C3orf20: variants seen among roughly 807,000 people sequenced by gnomAD.
The protein encoded by C3orf20 is uncharacterized protein C3orf20.
Under a neutral mutation model 88.3 loss-of-function variants are expected in C3orf20, and 76 were observed. That is an observed-to-expected ratio of 0.86 (90% CI 0.72 to 1.04). The LOEUF (loss-of-function observed/expected upper bound fraction) is 1.04, where lower values mean the gene tolerates loss of function less well. Ranked by LOEUF, C3orf20 falls within the 50% of genes least tolerant of loss-of-function variation. C3orf20 has a pLI of 0.00. For synonymous variants in C3orf20, 436 were observed against 437.4 expected (o/e 1.00, Z 0.04); for missense variants, 1,056 against 1,123.3 (o/e 0.94, Z 0.86).
intron 5 of C3orf20, among the ~76,000 whole-genome samples, chr3:14,699,888 G>C (rs796667661): frequency 6.6e-6 from 1 of 151,690 alleles, no homozygotes; most frequent in African/African-American, 2.4e-5. Flanking sequence ...GAACTCCAGA[G>C]CCCACAGTGG....
At chr3:14,769,317 G>A (rs1205041666) in intron 15 of C3orf20, among the ~76,000 whole-genome samples, 2 of 151,984 alleles carry the variant, frequency 1.3e-5, no homozygotes, top group Non-Finnish European at 2.9e-5. Context: ...CACTCAGGAG[G>A]GGCTGGGGCA....
chr3:14,723,579 A>G (rs2034239906), intron 10 of C3orf20, among the ~76,000 whole-genome samples: 1 of 152,232 alleles, frequency 6.6e-6, no homozygotes, highest in African/African-American at 2.4e-5. Context: ...CCAGAGGGTC[A>G]TGTGGAATCT....
At chr3:14,687,733 C>T (rs1195858488) in intron 4 of C3orf20, among the ~76,000 whole-genome samples, 1 of 152,332 alleles carries the variant, frequency 6.6e-6, no homozygotes, top group South Asian at 2.1e-4. Context: ...CACTAACACT[C>T]CTTCTGATAA....
At chr3:14,706,315 C>G (rs888131728) in intron 7 of C3orf20, among the ~76,000 whole-genome samples, 1 of 152,034 alleles carries the variant, frequency 6.6e-6, no homozygotes, top group Admixed American at 6.6e-5. Context: ...AGAGCCGCTG[C>G]TGCTTGCAAT....
At chr3:14,728,741 G>T in intron 12 of C3orf20, 53 bp downstream of exon 12, 1 of 1,585,526 alleles carries the variant, frequency 6.3e-7, no homozygotes, top group Non-Finnish European at 8.6e-7. Flanking sequence ...GATGGGCAGT[G>T]GGCACAGGAT....
At chr3:14,680,020 G>T (rs891627568) in intron 1 of C3orf20, among the ~76,000 whole-genome samples, 27 of 152,198 alleles carry the variant, frequency 1.8e-4, no homozygotes, top group Admixed American at 1.1e-3. Context: ...ATAATAACAA[G>T]TGCTGGCAAA....
intron 5 of C3orf20, 54 bp downstream of exon 5, chr3:14,690,170 G>A (rs878865650): frequency 2.5e-6 from 4 of 1,611,486 alleles, no homozygotes; most frequent in African/African-American, 1.3e-5. Context: ...GTGGGGTGGG[G>A]GATAGGTTTC....
chr3:14,678,990 A>G (rs2031940962), intron 1 of C3orf20, among the ~76,000 whole-genome samples: 1 of 152,086 alleles, frequency 6.6e-6, no homozygotes, highest in Non-Finnish European at 1.5e-5. Flanking sequence ...GGATCCCCCC[A>G]CATCCCAGAC....
intron 5 of C3orf20, among the ~76,000 whole-genome samples, chr3:14,699,123 A>G (rs1256712710): frequency 2.0e-5 from 3 of 152,126 alleles, no homozygotes; most frequent in Non-Finnish European, 4.4e-5. Flanking sequence ...CTCTTCAGTT[A>G]GGCCTGGGAC....
chr3:14,750,361 G>A (rs2035184256), intron 12 of C3orf20, among the ~76,000 whole-genome samples: 1 of 152,096 alleles, frequency 6.6e-6, no homozygotes, highest in Non-Finnish European at 1.5e-5. Flanking sequence ...GCCAGCCTGG[G>A]CAACATGGTG....
chr3:14,726,881 T>A lies in C3orf20; in HGVS notation c.1567-20T>A, dbSNP rs755789771. 1 of 1,613,144 alleles carries A rather than the reference T, an allele frequency of 6.2e-7. No individual in the cohort carries two copies. Among genetic ancestry groups the A allele is most frequent in the South Asian group, 1.1e-5 (1 of 91,034 alleles). On this transcript the variant is annotated intron_variant, in intron 10 of 16. Transcript: ENST00000253697. ...TTTGAGGGGATGGTGACACCCGCCC[T>A]CCCCTTTGCCCCTCTCCAGCTGAAC...
chr3:14,683,419 T>A (rs1023540648), intron 3 of C3orf20, among the ~76,000 whole-genome samples: 1 of 152,104 alleles, frequency 6.6e-6, no homozygotes, highest in African/African-American at 2.4e-5. Context: ...GTAATAGGAA[T>A]GTGCGAGGTC....
At position 14,682,178 on chromosome 3, in the gene C3orf20, G is replaced by A. The variant is rs530606904; in HGVS notation, c.-290G>A. Reference sequence around the variant, plus strand: ...TTCCTGTCTGCCCTCAGATGTACACGTTGGATAATTCCATGCCCATCTTGG... The same window carrying A: ...TTCCTGTCTGCCCTCAGATGTACACATTGGATAATTCCATGCCCATCTTGG... On this transcript the variant is annotated 5_prime_UTR_variant, in exon 2 of 17. Coordinates refer to ENST00000253697, the MANE Select transcript of C3orf20 (RefSeq NM_032137.5). The A allele has an allele frequency of 1.3e-5, 2 of 154,870 alleles. No homozygotes were observed. The highest frequency in any genetic ancestry group is 2.9e-5 in the Non-Finnish European group (2 of 69,752). The allele number at this position is 154,870 out of a possible 1,614,324, so 9.6% of individuals were successfully genotyped here.
intron 5 of C3orf20, among the ~76,000 whole-genome samples, chr3:14,699,602 AC>A (rs760051602): frequency 6.6e-6 from 1 of 152,162 alleles, no homozygotes; most frequent in Non-Finnish European, 1.5e-5. Flanking sequence ...ACCCTATCCT[AC>A]TGTGGCTAAA....
intron 1 of C3orf20, among the ~76,000 whole-genome samples, chr3:14,680,469 C>G (rs1200549897): frequency 4.6e-5 from 7 of 152,080 alleles, no homozygotes; most frequent in African/African-American, 1.4e-4. Flanking sequence ...TCCACAGAGA[C>G]AGAAACTAGA....
In C3orf20 at chr3:14,739,482, A is replaced by T. The variant is rs531968188; in HGVS notation, c.1940+10794A>T. 2.6e-5 allele frequency among the ~76,000 whole-genome samples: 4 copies of T among 152,338 alleles called. No individual in the cohort carries two copies. The East Asian group carries it at 7.7e-4, about 29-fold the overall frequency. ...TGTTCCATTTATATAGCACAGGCAG[A>T]GTAGATTTAGCATCATTCTTAAGGG... On this transcript the variant is annotated intron_variant, in intron 12 of 16. Coordinates refer to ENST00000253697, the MANE Select transcript of C3orf20 (RefSeq NM_032137.5).
At chr3:14,734,377 C>T (rs569981707) in intron 12 of C3orf20, among the ~76,000 whole-genome samples, 4 of 152,098 alleles carry the variant, frequency 2.6e-5, no homozygotes, top group Non-Finnish European at 4.4e-5. Context: ...AGCTGCATCC[C>T]GCAAGCTTTG....
intron 12 of C3orf20, among the ~76,000 whole-genome samples, chr3:14,732,356 A>G (rs1429233080): frequency 2.0e-5 from 3 of 152,170 alleles, no homozygotes; most frequent in African/African-American, 7.2e-5. Flanking sequence ...GTGAGTTTTG[A>G]AAGTTCTTTA....
intron 7 of C3orf20, among the ~76,000 whole-genome samples, chr3:14,711,219 G>T (rs2124952178): frequency 6.6e-6 from 1 of 152,254 alleles, no homozygotes; most frequent in South Asian, 2.1e-4. Context: ...TTTCTTTATT[G>T]ATCTTCTGTC....
Sources: gnomAD v4.1 joint callset for allele counts (sites outside exome capture counted in the v4.1 genomes callset) on GRCh38, gnomAD v4.1.1 for gene constraint, MANE v1.5 for transcripts, NCBI Gene and HGNC (gene_info 2026-07-23, HGNC 2026-07-21) for gene names.